The following PCDH15 variants were observed in gnomAD, a reference collection of about 807,000 sequenced individuals.
The protein encoded by PCDH15 is protocadherin-15.
PCDH15 carries 129 observed loss-of-function variants against 178.5 expected under a neutral mutation model. The ratio of observed to expected loss-of-function variants is 0.72; its 90% CI spans 0.63 to 0.84. The LOEUF (loss-of-function observed/expected upper bound fraction) is 0.84. Among genes scored for constraint, PCDH15 ranks in the 40% least tolerant of loss-of-function variants. The probability of loss-of-function intolerance (pLI) is 0.00; values close to 1 mark genes in which losing one functional copy is unlikely to be tolerated. For synonymous variants in PCDH15, 800 were observed against 732.0 expected (o/e 1.09, Z -1.50); for missense variants, 2,230 against 2,099.9 (o/e 1.06, Z -1.21).
intron 2 of PCDH15, among the ~76,000 whole-genome samples, chr10:55,361,977 T>A (rs1364888865): frequency 6.6e-6 from 1 of 152,114 alleles, no homozygotes; most frequent in Non-Finnish European, 1.5e-5. Context: ...AAAATCTCCT[T>A]TCTTGGATGA....
chr10:53,862,536 C>T (rs757118075), intron 27 of PCDH15, among the ~76,000 whole-genome samples: 4 of 152,136 alleles, frequency 2.6e-5, no homozygotes, highest in African/African-American at 4.8e-5. Context: ...TCTAAATATT[C>T]GGAAGCTAGT....
chr10:54,716,676 C>G (rs1277810897), intron 1 of PCDH15, among the ~76,000 whole-genome samples: 1 of 151,954 alleles, frequency 6.6e-6, no homozygotes, highest in Non-Finnish European at 1.5e-5. Flanking sequence ...TGAAAATGGC[C>G]ATACCACCCA....
intron 2 of PCDH15, among the ~76,000 whole-genome samples, chr10:55,488,906 G>T (rs556305025): frequency 4.3e-4 from 65 of 151,386 alleles, no homozygotes; most frequent in African/African-American, 1.5e-3. Flanking sequence ...ATAATATTCA[G>T]AAAGTAAATG....
chr10:54,112,507 G>A (rs2132722047), intron 15 of PCDH15, among the ~76,000 whole-genome samples: 1 of 152,240 alleles, frequency 6.6e-6, no homozygotes, highest in East Asian at 1.9e-4. Flanking sequence ...CATAGTTTTT[G>A]AAATTGAGAC....
At chr10:53,842,677 T>C (rs1274898389) in intron 28 of PCDH15, among the ~76,000 whole-genome samples, 1 of 152,210 alleles carries the variant, frequency 6.6e-6, no homozygotes, top group Non-Finnish European at 1.5e-5. Context: ...TTTTTATTAA[T>C]TTGACTGAAA....
chr10:55,053,849 A>C (rs1841225690), intron 2 of PCDH15, among the ~76,000 whole-genome samples: 1 of 152,208 alleles, frequency 6.6e-6, no homozygotes, highest in Non-Finnish European at 1.5e-5. Context: ...AAATAAGTGA[A>C]ATAATCATTG....
At chr10:54,446,685 T>A (rs1448803345) in intron 3 of PCDH15, among the ~76,000 whole-genome samples, 1 of 151,620 alleles carries the variant, frequency 6.6e-6, no homozygotes, top group African/African-American at 2.4e-5. Context: ...GCATATTTAA[T>A]ATATGCATTA....
At chr10:55,258,566 C>A (rs1278729741) in intron 1 of PCDH15, among the ~76,000 whole-genome samples, 2 of 152,002 alleles carry the variant, frequency 1.3e-5, no homozygotes, top group Non-Finnish European at 2.9e-5. Flanking sequence ...TCTGAGGAGG[C>A]AAGAATTGAG....
chr10:55,071,463 C>T (rs1591878343), intron 2 of PCDH15, among the ~76,000 whole-genome samples: 1 of 152,148 alleles, frequency 6.6e-6, no homozygotes, highest in East Asian at 1.9e-4. Flanking sequence ...TCTGATAAAA[C>T]AGACTTTAAA....
intron 2 of PCDH15, among the ~76,000 whole-genome samples, chr10:55,049,283 T>C (rs1841095048): frequency 6.6e-6 from 1 of 151,958 alleles, no homozygotes; most frequent in Admixed American, 6.6e-5. Context: ...TTGGGCCTAT[T>C]TGTGTATGTC....
chr10:54,010,742 C>T (rs1208153913), intron 20 of PCDH15, among the ~76,000 whole-genome samples: 1 of 152,112 alleles, frequency 6.6e-6, no homozygotes, highest in African/African-American at 2.4e-5. Flanking sequence ...TCCAGCACAC[C>T]ACAGCCACAA....
intron 3 of PCDH15, among the ~76,000 whole-genome samples, chr10:54,393,840 C>T (rs968692030): frequency 1.3e-5 from 2 of 152,102 alleles, no homozygotes; most frequent in African/African-American, 4.8e-5. Context: ...ATATACAACC[C>T]TATAGCTAAT....
Position 54,723,468 on chromosome 10 carries a change from C to A in PCDH15, c.-28-59178G>T, listed in dbSNP as rs112990867. On this transcript the variant is annotated intron_variant, in intron 1 of 37. Transcript: ENST00000644397. ...CCTACAAGAAAACCTAGAAAAATCT[C>A]TTCTGGACATTTGCCTTAGCAAATA... Among the ~76,000 whole-genome samples, 244 of 151,780 alleles carry A rather than the reference C, an allele frequency of 1.6e-3. 2 individuals carry two copies. Among genetic ancestry groups the A allele is most frequent in the African/African-American group, 5.6e-3 (233 of 41,536 alleles).
intron 27 of PCDH15, 112 bp downstream of exon 27, chr10:53,866,530 T>C: frequency 1.3e-6 from 1 of 749,098 alleles, no homozygotes. Flanking sequence ...AAATAATAAT[T>C]ATGTTTTTGA....
At chr10:55,122,925 T>A (rs1837805883) in intron 2 of PCDH15, among the ~76,000 whole-genome samples, 1 of 152,066 alleles carries the variant, frequency 6.6e-6, no homozygotes, top group Non-Finnish European at 1.5e-5. Context: ...TCATGCTCAA[T>A]GCAACATTAC....
At chr10:54,638,260 A>T (rs764506749) in intron 2 of PCDH15, among the ~76,000 whole-genome samples, 4 of 152,096 alleles carry the variant, frequency 2.6e-5, no homozygotes, top group Non-Finnish European at 5.9e-5. Context: ...CTCAGAGAGA[A>T]AGTATGTATT....
chr10:55,192,495 T>G (rs1839970164), intron 1 of PCDH15, among the ~76,000 whole-genome samples: 1 of 151,398 alleles, frequency 6.6e-6, no homozygotes, highest in South Asian at 2.1e-4. Context: ...GGTCACTTCT[T>G]TTTTTTTAAT....
At chr10:54,102,336 G>C (rs2094828308) in intron 15 of PCDH15, among the ~76,000 whole-genome samples, 1 of 152,172 alleles carries the variant, frequency 6.6e-6, no homozygotes, top group African/African-American at 2.4e-5. Flanking sequence ...GGGCCTTATG[G>C]ACAGGAATGG....
intron 5 of PCDH15, among the ~76,000 whole-genome samples, chr10:54,358,552 C>T (rs1283845300): frequency 6.6e-6 from 1 of 151,976 alleles, no homozygotes; most frequent in African/African-American, 2.4e-5. Flanking sequence ...AACACTTTTA[C>T]ACTGTTGGTG....
Sources: allele counts gnomAD v4.1 joint callset (sites outside exome capture counted in the v4.1 genomes callset), GRCh38; gene constraint gnomAD v4.1.1; transcripts MANE v1.5; gene names NCBI Gene and HGNC (gene_info 2026-07-23, HGNC 2026-07-21).